The following FRMD4A variants were observed in gnomAD, a reference collection of about 807,000 sequenced individuals.
FRMD4A encodes FERM domain-containing protein 4A.
FRMD4A carries 29 observed loss-of-function variants against 129.1 expected under a neutral mutation model. The observed-to-expected ratio is 0.22, with a 90% CI of 0.17 to 0.31. The LOEUF is 0.31. Ranked by LOEUF, FRMD4A falls within the 10% of genes least tolerant of loss-of-function variation. FRMD4A has a pLI of 1.00. For synonymous variants in FRMD4A, 634 were observed against 571.6 expected, an observed-to-expected ratio of 1.11 and a Z score of -1.56; for missense variants, 1,272 against 1,375.8, an observed-to-expected ratio of 0.92 and a Z score of 1.19.
chr10:14,267,248 G>A (rs1845011229), intron 2 of FRMD4A, among the ~76,000 whole-genome samples: 1 of 152,164 alleles, frequency 6.6e-6, no homozygotes, highest in African/African-American at 2.4e-5. Context: ...CTCTGTGTGT[G>A]GCTGAGTTCT....
At chr10:14,164,669 T>C (rs1450857221) in intron 2 of FRMD4A, among the ~76,000 whole-genome samples, 1 of 152,126 alleles carries the variant, frequency 6.6e-6, no homozygotes, top group African/African-American at 2.4e-5. Flanking sequence ...AAAGCCCTGA[T>C]TTCTCCACTC....
At chr10:14,106,842 G>C (rs567207456) in intron 2 of FRMD4A, among the ~76,000 whole-genome samples, 24 of 147,950 alleles carry the variant, frequency 1.6e-4, no homozygotes, top group Admixed American at 2.7e-4. Context: ...GTTTGACCCA[G>C]CAATCCCATT....
At chr10:14,143,637 A>G (rs1301129199) in intron 2 of FRMD4A, among the ~76,000 whole-genome samples, 1 of 152,182 alleles carries the variant, frequency 6.6e-6, no homozygotes, top group Non-Finnish European at 1.5e-5. Context: ...TTTCTGAGAC[A>G]AGAGTCTTGT....
chr10:14,049,732 A>G (rs971247351), intron 2 of FRMD4A, among the ~76,000 whole-genome samples: 2 of 152,094 alleles, frequency 1.3e-5, no homozygotes, highest in Non-Finnish European at 2.9e-5. Context: ...GCGCTCGCCT[A>G]GAATCGCAGC....
chr10:13,692,139 G>GT lies in FRMD4A; in HGVS notation c.1117+1758_1117+1759insA, dbSNP rs2085756910. ...GCTTGAAGCTTATAAAATTTTAGCA[G>GT]CTTTTTTTTTTTTTTTTTTTTTTTT... On this transcript the variant is annotated intron_variant, in intron 15 of 24. Coordinates refer to ENST00000357447, the MANE Select transcript of FRMD4A (RefSeq NM_018027.5). 3.7e-5 allele frequency: 4 copies of GT among 106,848 alleles called. 1 individual carries two copies. Among genetic ancestry groups the GT allele is most frequent in the Non-Finnish European group, 7.2e-5 (4 of 55,684 alleles). 6.6% of individuals were successfully genotyped at this position (106,848 alleles called of 1,614,324 possible). A position where few individuals can be genotyped will look rare whatever the true frequency, so the allele number is the denominator to read the frequency against.
chr10:13,689,201 G>GGGGGTGGGGGGGGGGGT, intron 15 of FRMD4A, among the ~76,000 whole-genome samples: 1 of 15,086 alleles, frequency 6.6e-5, no homozygotes, highest in South Asian at 2.3e-3. Flanking sequence ...CTCTTTGCGG[G>GGGGGTGGGGGGGGGGGT]GGGGGGGGGG....
At chr10:14,034,269 C>A (rs1833395057) in intron 2 of FRMD4A, among the ~76,000 whole-genome samples, 1 of 152,068 alleles carries the variant, frequency 6.6e-6, no homozygotes, top group Non-Finnish European at 1.5e-5. Flanking sequence ...GCTATCGGTA[C>A]CCAGCTGGTT....
At chr10:13,898,743 G>A (rs552404118) in intron 2 of FRMD4A, among the ~76,000 whole-genome samples, 75 of 152,326 alleles carry the variant, frequency 4.9e-4, no homozygotes, top group African/African-American at 1.6e-3. Context: ...TACTTGCCGA[G>A]CTGAGGACAG....
At chr10:14,138,855 G>A (rs922128093) in intron 2 of FRMD4A, among the ~76,000 whole-genome samples, 1 of 152,178 alleles carries the variant, frequency 6.6e-6, no homozygotes, top group African/African-American at 2.4e-5. Context: ...GGCAACTGCT[G>A]AGATAAGCTG....
intron 2 of FRMD4A, among the ~76,000 whole-genome samples, chr10:14,303,313 ACT>A (rs1846245510): frequency 6.6e-6 from 1 of 152,064 alleles, no homozygotes; most frequent in African/African-American, 2.4e-5. Context: ...TGAAATGCAG[ACT>A]CTGATTCAAT....
At chr10:14,179,258 T>C (rs560387266) in intron 2 of FRMD4A, among the ~76,000 whole-genome samples, 4 of 152,220 alleles carry the variant, frequency 2.6e-5, no homozygotes, top group Non-Finnish European at 5.9e-5. Flanking sequence ...GCCTGCTTCA[T>C]AAAGAGTTGA....
chr10:13,793,193 A>ATGGG (rs960444308), intron 5 of FRMD4A, among the ~76,000 whole-genome samples: 3 of 137,914 alleles, frequency 2.2e-5, no homozygotes, highest in African/African-American at 8.1e-5. Flanking sequence ...TTTTTGTGAG[A>ATGGG]TGGGGTCTTG....
At chr10:14,139,777 T>C (rs1452445425) in intron 2 of FRMD4A, among the ~76,000 whole-genome samples, 1 of 152,236 alleles carries the variant, frequency 6.6e-6, no homozygotes, top group African/African-American at 2.4e-5. Flanking sequence ...GACATATTGT[T>C]ACTCTTGGGC....
chr10:14,194,400 G>A (rs2131928056), intron 2 of FRMD4A, among the ~76,000 whole-genome samples: 1 of 152,324 alleles, frequency 6.6e-6, no homozygotes, highest in East Asian at 1.9e-4. Flanking sequence ...CACGAAGTCA[G>A]GAGATCGAGA....
intron 15 of FRMD4A, among the ~76,000 whole-genome samples, chr10:13,681,558 GTATGTATA>G (rs1253514598): frequency 2.6e-5 from 4 of 151,954 alleles, no homozygotes; most frequent in African/African-American, 4.8e-5. Context: ...ATATATATAT[GTATGTATA>G]TATGTATATG....
intron 2 of FRMD4A, among the ~76,000 whole-genome samples, chr10:13,977,353 C>G (rs906712989): frequency 1.3e-5 from 2 of 152,208 alleles, no homozygotes; most frequent in Non-Finnish European, 1.5e-5. Flanking sequence ...CTGCAAATTT[C>G]TTTCTTTCCA....
intron 2 of FRMD4A, among the ~76,000 whole-genome samples, chr10:14,292,071 A>C (rs141059690): frequency 7.2e-4 from 110 of 152,328 alleles, no homozygotes; most frequent in African/African-American, 2.4e-3. Flanking sequence ...AGATATCTAA[A>C]TAATTCATGG....
intron 2 of FRMD4A, among the ~76,000 whole-genome samples, chr10:14,206,352 C>T (rs553399094): frequency 1.1e-4 from 17 of 152,246 alleles, no homozygotes; most frequent in East Asian, 1.9e-4. Context: ...AACAAAAAAA[C>T]GCAATTGCAG....
chr10:13,764,920 C>T (rs374495588), intron 6 of FRMD4A, among the ~76,000 whole-genome samples: 16 of 152,184 alleles, frequency 1.1e-4, no homozygotes, highest in Admixed American at 4.6e-4. Context: ...CTTAAGGGGC[C>T]GGGAACAGAC....
Sources: gnomAD v4.1 joint callset for allele counts (sites outside exome capture counted in the v4.1 genomes callset) on GRCh38, gnomAD v4.1.1 for gene constraint, MANE v1.5 for transcripts, NCBI Gene and HGNC (gene_info 2026-07-23, HGNC 2026-07-21) for gene names.